The following POFUT2 variants were observed in gnomAD, a reference collection of about 807,000 sequenced individuals.
POFUT2 encodes the protein protein O-fucosyltransferase 2, also known as GDP-fucose protein O-fucosyltransferase 2.
A neutral mutation model predicts 55.0 loss-of-function variants in POFUT2; 30 were observed. That is an observed-to-expected ratio of 0.55 (90% CI 0.41 to 0.74). The LOEUF is 0.74. Ranked by LOEUF, POFUT2 falls within the 30% of genes least tolerant of loss-of-function variation. The probability of loss-of-function intolerance (pLI) is 0.00; values close to 1 mark genes in which losing one functional copy is unlikely to be tolerated. For missense variants in POFUT2, 524 were observed against 562.6 expected (o/e 0.93, Z 0.69); for synonymous variants, 267 against 231.1 (o/e 1.16, Z -1.41).
In POFUT2 at chr21:45,282,478, A is replaced by G; in HGVS notation, c.528-19T>C. 1 of 1,387,440 alleles carries G rather than the reference A, an allele frequency of 7.2e-7. No homozygotes were observed. The highest frequency in any genetic ancestry group is 1.0e-6 in the Non-Finnish European group (1 of 974,068). 85.9% of individuals were successfully genotyped at this position (1,387,440 alleles called of 1,614,324 possible). ...CCATCCTCTGGAAAACAAAACCCACAGCAGCTCTATCAGTTTATTTTGCTT... is the reference window on the plus strand; with the variant it reads ...CCATCCTCTGGAAAACAAAACCCACGGCAGCTCTATCAGTTTATTTTGCTT... On this transcript the variant is annotated intron_variant, in intron 3 of 8. Transcript: ENST00000349485. The surrounding 1 kb of genome is among the most constrained non-coding windows in gnomAD (Gnocchi z 4.6).
chr21:45,279,231 A>T (rs531704207), intron 4 of POFUT2, among the ~76,000 whole-genome samples: 41 of 152,204 alleles, frequency 2.7e-4, no homozygotes, highest in African/African-American at 9.6e-4. Flanking sequence ...CTCTACTAAA[A>T]ATACAAAAAA....
At position 45,267,894 on chromosome 21, in the gene POFUT2, A is replaced by G. The variant is rs1164687329; in HGVS notation, c.1013-181T>C. On this transcript the variant is annotated intron_variant, in intron 7 of 8. Transcript: ENST00000349485. The surrounding 1 kb of genome is among the most constrained non-coding windows in gnomAD (Gnocchi z 4.4). ...GGAATTACAGTTGAAGATCATGCAG[A>G]TCTTCATGGATCTGGGTAGTTCCAG... Among the ~76,000 whole-genome samples the G allele has an allele frequency of 6.6e-6, 1 of 152,196 alleles. No homozygotes were observed. The highest frequency in any genetic ancestry group is 2.4e-5 in the African/African-American group (1 of 41,450).
intron 5 of POFUT2, 37 bp downstream of exon 5, chr21:45,278,066 C>T (rs1569226198): frequency 6.7e-7 from 1 of 1,499,008 alleles, no homozygotes; most frequent in Admixed American, 1.7e-5. Flanking sequence ...GGGCAACATA[C>T]ACTAACTGAG....
In POFUT2 at chr21:45,265,408, G is replaced by T; in HGVS notation, c.*74C>A. The T allele has an allele frequency of 1.4e-6, 2 of 1,383,460 alleles. No homozygotes were observed. The highest frequency in any genetic ancestry group is 4.6e-5 in the East Asian group (2 of 43,280). 85.7% of individuals were successfully genotyped at this position (1,383,460 alleles called of 1,614,324 possible). ...GCCCAGCTCCCGGCTGGCAGTAGAC[G>T]GTGACTCCACGGCGACAGAACCTGC... is the stretch of plus-strand genomic sequence containing the variant. On this transcript the variant is annotated 3_prime_UTR_variant, in exon 9 of 9. Transcript: ENST00000349485. This position sits in a 1 kb window ranked among gnomAD's most constrained non-coding sequence, Gnocchi z 4.6.
intron 4 of POFUT2, 66 bp from the exon 5 acceptor site, chr21:45,278,235 G>C (rs774965812): frequency 7.3e-7 from 1 of 1,369,090 alleles, no homozygotes; most frequent in Admixed American, 1.7e-5. Flanking sequence ...CACACTCTCA[G>C]AGCACAAACT....
intron 6 of POFUT2, among the ~76,000 whole-genome samples, chr21:45,273,695 C>A (rs1175811217): frequency 6.6e-6 from 1 of 152,174 alleles, no homozygotes; most frequent in Non-Finnish European, 1.5e-5. Flanking sequence ...ACCACCTAAA[C>A]AGCACTAAAA....
chr21:45,287,676 C>CCAACCCAACAAAGA, intron 1 of POFUT2, 65 bp downstream of exon 1: 1 of 1,181,536 alleles, frequency 8.5e-7, no homozygotes. Context: ...GCCCCGCCCC[C>CCAACCCAACAAAGA]ATCCCATCCT....
intron 7 of POFUT2, among the ~76,000 whole-genome samples, chr21:45,268,708 G>A (rs573593896): frequency 2.9e-4 from 43 of 147,256 alleles, no homozygotes; most frequent in Non-Finnish European, 5.3e-4. Context: ...GTCTCTGCCC[G>A]GCCGCCCCGT....
intron 3 of POFUT2, 60 bp downstream of exon 3, chr21:45,283,323 G>T (rs2030966866): frequency 5.1e-6 from 3 of 585,712 alleles, no homozygotes; most frequent in Non-Finnish European, 2.5e-6. Flanking sequence ...GGGGGGGGAC[G>T]CATGCGGCAG....
intron 8 of POFUT2, chr21:45,266,262 G>C (rs1366614657): frequency 2.2e-6 from 3 of 1,367,434 alleles, no homozygotes; most frequent in African/African-American, 1.5e-5. Flanking sequence ...GATGTTTCCA[G>C]AGCAAATGTA....
intron 4 of POFUT2, among the ~76,000 whole-genome samples, chr21:45,278,521 TG>T (rs1478088460): frequency 2.0e-5 from 3 of 151,524 alleles, no homozygotes; most frequent in African/African-American, 7.3e-5. Flanking sequence ...GAGGGGAGGG[TG>T]GGGGAAGGTT....
chr21:45,285,067 C>G lies in POFUT2; in HGVS notation c.382+611G>C, dbSNP rs776581318. On this transcript the variant is annotated intron_variant, in intron 2 of 8. Coordinates refer to ENST00000349485, the MANE Select transcript of POFUT2 (RefSeq NM_133635.6). This position sits in a 1 kb window ranked among gnomAD's most constrained non-coding sequence, Gnocchi z 4.9. ...CTGTCGAGTAAGAACTCAACAGATGCTGGAAAGCAGGAGCCTGACTCAAAA... is the reference window on the plus strand; with the variant it reads ...CTGTCGAGTAAGAACTCAACAGATGGTGGAAAGCAGGAGCCTGACTCAAAA... 1.3e-5 allele frequency among the ~76,000 whole-genome samples: 2 copies of G among 152,152 alleles called. No homozygotes were observed. The highest frequency in any genetic ancestry group is 2.4e-5 in the African/African-American group (1 of 41,418).
chr21:45,280,935 T>C (rs1027399614), intron 4 of POFUT2, among the ~76,000 whole-genome samples: 1 of 152,264 alleles, frequency 6.6e-6, no homozygotes, highest in Non-Finnish European at 1.5e-5. Context: ...ACAAAAGTTC[T>C]TGATTTTAAA....
At chr21:45,286,989 T>C (rs1373329259) in intron 1 of POFUT2, among the ~76,000 whole-genome samples, 1 of 152,100 alleles carries the variant, frequency 6.6e-6, no homozygotes, top group Non-Finnish European at 1.5e-5. Flanking sequence ...CCCGTGTCAC[T>C]TGCAGGGGCC....
At position 45,277,635 on chromosome 21, in the gene POFUT2, G is replaced by A. The variant is rs1416830884; in HGVS notation, c.705+468C>T. The A allele has an allele frequency of 3.6e-5, 8 of 221,332 alleles. No homozygotes were observed. The highest frequency in any genetic ancestry group is 1.6e-4 in the African/African-American group (7 of 43,292). The allele number at this position is 221,332 out of a possible 1,614,324, so 13.7% of individuals were successfully genotyped here. A position where few individuals can be genotyped will look rare whatever the true frequency, so the allele number is the denominator to read the frequency against. ...ACGTCAGCAGGCCTGCTGTGTCCAC[G>A]GGAGGGGGCAGCCACTTCCCGCCCT... On this transcript the variant is annotated intron_variant, in intron 5 of 8. Transcript: ENST00000349485. This position sits in a 1 kb window ranked among gnomAD's most constrained non-coding sequence, Gnocchi z 6.9.
chr21:45,278,196 C>CA, intron 4 of POFUT2, 27 bp from the exon 5 acceptor site: 1 of 1,579,234 alleles, frequency 6.3e-7, no homozygotes, highest in Non-Finnish European at 8.7e-7. Context: ...GAAGAATAAA[C>CA]AGTTATAAGA....
In POFUT2 at chr21:45,267,998, C is replaced by T. The variant is rs1012774904; in HGVS notation, c.1013-285G>A. 2.0e-5 allele frequency among the ~76,000 whole-genome samples: 3 copies of T among 152,174 alleles called. No homozygotes were observed. The highest frequency in any genetic ancestry group is 2.9e-5 in the Non-Finnish European group (2 of 68,028). On this transcript the variant is annotated intron_variant, in intron 7 of 8. Coordinates refer to ENST00000349485, the MANE Select transcript of POFUT2 (RefSeq NM_133635.6). The surrounding 1 kb of genome is among the most constrained non-coding windows in gnomAD (Gnocchi z 4.4). ...TCTCCCTCTCCTTCTCCCTCTCCCT[C>T]TCCCCACGGTCTCCCTCTCTTTCCA...
At chr21:45,287,674 C>T in intron 1 of POFUT2, 67 bp downstream of exon 1, 1 of 1,162,080 alleles carries the variant, frequency 8.6e-7, no homozygotes, top group South Asian at 2.3e-5. Context: ...CCGCCCCGCC[C>T]CCATCCCATC....
At chr21:45,286,043 C>T in intron 1 of POFUT2, 115 bp from the exon 2 acceptor site, 1 of 921,998 alleles carries the variant, frequency 1.1e-6, no homozygotes, top group East Asian at 2.4e-5. Context: ...ACAATGGTTC[C>T]TAGTTTGTGA....
Sources: gnomAD v4.1 joint callset for allele counts (sites outside exome capture counted in the v4.1 genomes callset) on GRCh38, gnomAD v4.1.1 for gene constraint, Gnocchi (gnomAD v3.1) non-coding constraint, MANE v1.5 for transcripts, NCBI Gene and HGNC (gene_info 2026-07-23, HGNC 2026-07-21) for gene names.